The following NRG1 variants were observed in gnomAD, a reference collection of about 807,000 sequenced individuals.
NRG1 encodes neuregulin 1, also known as pro-neuregulin-1, membrane-bound isoform.
A neutral mutation model predicts 63.8 loss-of-function variants in NRG1; 18 were observed. The ratio of observed to expected loss-of-function variants is 0.28; its 90% confidence interval spans 0.19 to 0.42. NRG1 has a LOEUF of 0.42. NRG1 is among the 10% of genes least tolerant of loss of function. The probability of loss-of-function intolerance (pLI) is 1.00; values close to 1 mark genes in which losing one functional copy is unlikely to be tolerated. For synonymous variants in NRG1, 302 were observed against 301.3 expected (o/e 1.00, Z -0.02); for missense variants, 762 against 814.7 (o/e 0.94, Z 0.79).
intron 1 of NRG1, among the ~76,000 whole-genome samples, chr8:31,953,851 C>T (rs1251128952): frequency 6.6e-6 from 1 of 152,126 alleles, no homozygotes; most frequent in East Asian, 1.9e-4. Flanking sequence ...TGATGTCGCA[C>T]ACGGAAAGAA....
intron 1 of NRG1, among the ~76,000 whole-genome samples, chr8:32,329,232 G>C (rs1170413879): frequency 6.6e-6 from 1 of 152,138 alleles, no homozygotes; most frequent in Non-Finnish European, 1.5e-5. Context: ...GCCTCCCAAA[G>C]TGCTGGGATT....
chr8:32,356,483 CCA>C (rs386724228), intron 1 of NRG1, among the ~76,000 whole-genome samples: 5,069 of 120,726 alleles, frequency 0.042, 251 homozygotes, highest in African/African-American at 0.071. Context: ...GACCCCCCCC[CCA>C]CCCGCCGGGC....
chr8:32,430,577 T>A (rs1817995774), intron 1 of NRG1, among the ~76,000 whole-genome samples: 1 of 152,202 alleles, frequency 6.6e-6, no homozygotes, highest in Non-Finnish European at 1.5e-5. Context: ...AAGTCATTTT[T>A]ACTAATATCT....
intron 1 of NRG1, among the ~76,000 whole-genome samples, chr8:31,800,344 AG>A (rs748592937): frequency 6.6e-6 from 1 of 152,230 alleles, no homozygotes; most frequent in Non-Finnish European, 1.5e-5. Flanking sequence ...TACTCTGGTC[AG>A]GTGAAAACAA....
chr8:32,355,141 A>G (rs1213719204), intron 1 of NRG1, among the ~76,000 whole-genome samples: 1 of 152,208 alleles, frequency 6.6e-6, no homozygotes, highest in Non-Finnish European at 1.5e-5. Context: ...GAAAGTTTAC[A>G]TCAAAACAAA....
rs76686713 is a variant in NRG1, at chr8:32,617,666, T to A, written c.502+781T>A. 6.1e-3 allele frequency among the ~76,000 whole-genome samples: 932 copies of A among 152,362 alleles called. 10 individuals are homozygous for A. The highest frequency in any genetic ancestry group is 0.022 in the African/African-American group (900 of 41,590). On this transcript the variant is annotated intron_variant, in intron 5 of 11. Coordinates refer to ENST00000356819, the Ensembl canonical transcript of NRG1. ...TCTTTCTCTTCCTTATGTTAGCTCC[T>A]TATTTAAAGCATTTCTCAATTTGAT...
chr8:32,223,160 A>G (rs1274426690), intron 1 of NRG1, among the ~76,000 whole-genome samples: 1 of 152,266 alleles, frequency 6.6e-6, no homozygotes, highest in Admixed American at 6.5e-5. Context: ...AATTTTAGAA[A>G]AAATGTAATC....
intron 1 of NRG1, among the ~76,000 whole-genome samples, chr8:31,813,516 C>CTTTTCTTTTTTTT: frequency 4.0e-5 from 4 of 101,212 alleles, no homozygotes; most frequent in African/African-American, 1.5e-4. Context: ...CTTTTCTTTT[C>CTTTTCTTTTTTTT]TTTTTTTTTT....
intron 1 of NRG1, among the ~76,000 whole-genome samples, chr8:32,534,323 G>C (rs1463678120): frequency 6.6e-6 from 1 of 152,060 alleles, no homozygotes; most frequent in African/African-American, 2.4e-5. Context: ...TGGTAAACTT[G>C]TCTGAATCTT....
chr8:32,698,843 A>G (rs1230028858), intron 5 of NRG1, among the ~76,000 whole-genome samples: 3 of 152,234 alleles, frequency 2.0e-5, no homozygotes, highest in African/African-American at 7.2e-5. Context: ...CACTTTTCAT[A>G]TAATATTAAA....
intron 1 of NRG1, among the ~76,000 whole-genome samples, chr8:31,907,823 C>A (rs1172154872): frequency 6.6e-6 from 1 of 152,160 alleles, no homozygotes; most frequent in Non-Finnish European, 1.5e-5. Context: ...TTGTGTGCAA[C>A]TATCTTAATT....
At chr8:32,769,156 T>G (rs2129065791), downstream of NRG1, among the ~76,000 whole-genome samples, 1 of 152,296 alleles carries the variant, frequency 6.6e-6, no homozygotes, top group East Asian at 1.9e-4. Flanking sequence ...TATTTAAAAC[T>G]TAAAGATTGA....
chr8:32,078,750 G>A (rs2131124736), intron 1 of NRG1, among the ~76,000 whole-genome samples: 1 of 152,054 alleles, frequency 6.6e-6, no homozygotes, highest in East Asian at 1.9e-4. Context: ...CTCTTTTTAT[G>A]TCCGGCCCAC....
rs185532798 is a variant in NRG1, at chr8:32,087,851, T to C, written c.37+448420T>C. ...GCATTTGTCGTTCTTGACTGGGTTA[T>C]TTCCTTTAGTGTGATGTCTTCCAGG... is the stretch of plus-strand genomic sequence containing the variant. On this transcript the variant is annotated intron_variant, in intron 1 of 10. Transcript: ENST00000519301. Among the ~76,000 whole-genome samples the C allele has an allele frequency of 1.2e-3, 188 of 152,336 alleles. 1 individual carries two copies. Among genetic ancestry groups the C allele is most frequent in the African/African-American group, 4.4e-3 (181 of 41,582 alleles).
At chr8:31,809,890 A>G (rs1822715060) in intron 1 of NRG1, among the ~76,000 whole-genome samples, 1 of 150,640 alleles carries the variant, frequency 6.6e-6, no homozygotes, top group Non-Finnish European at 1.5e-5. Context: ...CTCTGCCTTT[A>G]ACCGCAGTCT....
intron 1 of NRG1, among the ~76,000 whole-genome samples, chr8:32,265,059 C>T (rs1586495487): frequency 1.3e-5 from 2 of 152,052 alleles, no homozygotes; most frequent in South Asian, 2.1e-4. Flanking sequence ...GCTATCAGGC[C>T]GGGTGCAGTG....
chr8:32,335,496 A>G (rs1803152150), intron 1 of NRG1, among the ~76,000 whole-genome samples: 2 of 152,198 alleles, frequency 1.3e-5, no homozygotes, highest in African/African-American at 4.8e-5. Context: ...CCACAAAGAT[A>G]GAGTTGCTCA....
At chr8:32,258,131 A>G (rs1849941272) in intron 1 of NRG1, among the ~76,000 whole-genome samples, 1 of 152,086 alleles carries the variant, frequency 6.6e-6, no homozygotes. Flanking sequence ...CACAAAGCCA[A>G]ATTTTCACCT....
chr8:31,720,694 G>A (rs1812826927), intron 1 of NRG1, among the ~76,000 whole-genome samples: 1 of 152,128 alleles, frequency 6.6e-6, no homozygotes, highest in African/African-American at 2.4e-5. Context: ...AATGGCCTTG[G>A]ACCTAATTCA....
Sources: allele counts gnomAD v4.1 joint callset (sites outside exome capture counted in the v4.1 genomes callset), GRCh38; gene constraint gnomAD v4.1.1; transcripts MANE v1.5; gene names NCBI Gene and HGNC (gene_info 2026-07-23, HGNC 2026-07-21).